The following FAM184A variants were observed in gnomAD, a reference collection of about 807,000 sequenced individuals.
FAM184A encodes protein FAM184A.
Under a neutral mutation model 143.8 loss-of-function variants are expected in FAM184A, and 99 were observed. The ratio of observed to expected loss-of-function variants is 0.69; its 90% CI spans 0.58 to 0.81. FAM184A has a LOEUF of 0.81. Among genes scored for constraint, FAM184A ranks in the 40% least tolerant of loss-of-function variants. FAM184A has a pLI of 0.00. For missense variants in FAM184A, 1,217 were observed against 1,310.5 expected (o/e 0.93, Z 1.10); for synonymous variants, 427 against 446.4 (o/e 0.96, Z 0.55).
upstream of FAM184A, among the ~76,000 whole-genome samples, chr6:119,079,747 A>G (rs532041510): frequency 1.6e-4 from 24 of 152,354 alleles, no homozygotes; most frequent in South Asian, 5.0e-3. Context: ...TTAACAAACT[A>G]GAGAGCCGAA....
chr6:119,146,705 G>T (rs913712303), intron 1 of FAM184A, among the ~76,000 whole-genome samples: 1 of 152,026 alleles, frequency 6.6e-6, no homozygotes, highest in Non-Finnish European at 1.5e-5. Context: ...GACAAATAAG[G>T]AATAATGTCA....
chr6:119,145,873 A>C (rs570451922), intron 1 of FAM184A, among the ~76,000 whole-genome samples: 1 of 152,336 alleles, frequency 6.6e-6, no homozygotes, highest in South Asian at 2.1e-4. Context: ...ATTAAGCAAA[A>C]ACATGATTTT....
chr6:118,999,835 T>C (rs936808507), intron 9 of FAM184A, among the ~76,000 whole-genome samples: 4 of 152,184 alleles, frequency 2.6e-5, no homozygotes, highest in African/African-American at 7.2e-5. Context: ...AGGTGCACAA[T>C]TAGCTATGAT....
At chr6:118,969,406 A>G (rs1048631681) in intron 14 of FAM184A, among the ~76,000 whole-genome samples, 1 of 152,240 alleles carries the variant, frequency 6.6e-6, no homozygotes, top group East Asian at 1.9e-4. Flanking sequence ...TAATCCATAT[A>G]AACACAAACA....
intron 1 of FAM184A, among the ~76,000 whole-genome samples, chr6:119,097,863 C>A (rs982166640): frequency 6.6e-6 from 1 of 152,174 alleles, no homozygotes; most frequent in Non-Finnish European, 1.5e-5. Context: ...CTTTCCTCAC[C>A]TTTCTGTCTT....
intron 1 of FAM184A, among the ~76,000 whole-genome samples, chr6:119,130,041 A>G (rs1345968880): frequency 7.4e-6 from 1 of 134,584 alleles, no homozygotes; most frequent in Non-Finnish European, 1.6e-5. Flanking sequence ...CAAGGTTTTA[A>G]ACATTTTTTT....
At position 118,962,096 on chromosome 6, in the gene FAM184A, A is replaced by G. The variant is rs953340034; in HGVS notation, c.3139-133T>C. ...TGTTAAATTAAAATGTTAATTAACC[A>G]GTGTTACCCAAACTGTGGTCTGGGA... is the stretch of plus-strand genomic sequence containing the variant. On this transcript the variant is annotated intron_variant, in intron 16 of 17. Transcript: ENST00000338891. 3 of 782,452 alleles carry G rather than the reference A, an allele frequency of 3.8e-6. No homozygotes were observed. The African/African-American group carries it at 5.2e-5, about 14-fold the overall frequency. The allele number at this position is 782,452 out of a possible 1,614,324, so 48.5% of individuals were successfully genotyped here. A position where few individuals can be genotyped will look rare whatever the true frequency, so the allele number is the denominator to read the frequency against.
intron 17 of FAM184A, among the ~76,000 whole-genome samples, 181 bp from the exon 18 acceptor site, chr6:118,960,365 G>A (rs1783281888): frequency 6.6e-6 from 1 of 152,170 alleles, no homozygotes; most frequent in East Asian, 1.9e-4. Context: ...GAGAGCATAA[G>A]AGTGCATCAG....
In FAM184A at chr6:119,102,801, AAAAAAAGAAAAG is replaced by A. The variant is rs1562151153; in HGVS notation, c.-202+46265_-202+46276del. Among the ~76,000 whole-genome samples the A allele has an allele frequency of 8.3e-4, 123 of 148,946 alleles. 1 individual carries two copies. The highest frequency in any genetic ancestry group is 3.5e-3 in the Middle Eastern group (1 of 288). On this transcript the variant is annotated intron_variant, in intron 1 of 16. Transcript: ENST00000352896. ...CTCCATCTCAAAAAAAAAAAAAAAAAAAAAAAGAAAAGAAAAAAGAAAAGAAAATATCACTAA... is the reference window on the plus strand; with the variant it reads ...CTCCATCTCAAAAAAAAAAAAAAAAAAAAAAAGAAAAGAAAATATCACTAA...
At chr6:119,119,995 A>C (rs1190046356) in intron 1 of FAM184A, among the ~76,000 whole-genome samples, 1 of 152,188 alleles carries the variant, frequency 6.6e-6, no homozygotes, top group African/African-American at 2.4e-5. Context: ...AATGATAATA[A>C]TAATAGTCTT....
rs1309577452 is a variant in FAM184A, at chr6:119,133,328, A to C, written c.-202+15750T>G. Among the ~76,000 whole-genome samples the C allele has an allele frequency of 3.9e-5, 6 of 152,260 alleles. No individual in the cohort carries two copies. The East Asian group carries it at 1.2e-3, about 29-fold the overall frequency. Reference sequence around the variant, plus strand: ...AAATTATATTAATTGAGGATTGATAAAAGTAATTGTCACAGCTTAAGATCC... The same window carrying C: ...AAATTATATTAATTGAGGATTGATACAAGTAATTGTCACAGCTTAAGATCC... On this transcript the variant is annotated intron_variant, in intron 1 of 16. Coordinates refer to the FAM184A transcript ENST00000352896.
intron 1 of FAM184A, among the ~76,000 whole-genome samples, chr6:119,043,459 G>T (rs2114731709): frequency 6.6e-6 from 1 of 152,278 alleles, no homozygotes; most frequent in Non-Finnish European, 1.5e-5. Context: ...ACCTCAGTGG[G>T]TAGTCACAAG....
At chr6:119,035,904 T>C (rs750070026) in intron 1 of FAM184A, among the ~76,000 whole-genome samples, 6 of 152,216 alleles carry the variant, frequency 3.9e-5, no homozygotes, top group East Asian at 1.9e-4. Flanking sequence ...AACCAAGCTA[T>C]AGCCCGACCA....
intron 6 of FAM184A, among the ~76,000 whole-genome samples, chr6:119,008,014 C>G (rs1453759017): frequency 6.6e-6 from 1 of 151,438 alleles, no homozygotes; most frequent in Non-Finnish European, 1.5e-5. Flanking sequence ...AATTACAAAT[C>G]TAGAGATAGA....
chr6:118,970,008 A>ATATATTTTTTTTTTT, intron 14 of FAM184A, among the ~76,000 whole-genome samples: 5 of 19,054 alleles, frequency 2.6e-4, no homozygotes, highest in Non-Finnish European at 4.5e-4. Flanking sequence ...ATATATATAT[A>ATATATTTTTTTTTTT]TTTTTTTTTT....
chr6:119,003,492 A>G lies in FAM184A; in HGVS notation c.1937+9T>C, dbSNP rs765629048. ...CTTTATTGATAAGATTACAGAATAA[A>G]AAATGTACCTAAGATTTTCAGTCCA... On this transcript the variant is annotated intron_variant, in intron 8 of 17. Transcript: ENST00000338891. The G allele has an allele frequency of 5.6e-6, 9 of 1,609,824 alleles. No homozygotes were observed. The highest frequency in any genetic ancestry group is 1.7e-4 in the Middle Eastern group (1 of 6,028).
intron 1 of FAM184A, among the ~76,000 whole-genome samples, chr6:119,077,620 CAGGATA>C (rs1787920206): frequency 6.6e-6 from 1 of 152,188 alleles, no homozygotes; most frequent in Non-Finnish European, 1.5e-5. Context: ...GACATTTTGT[CAGGATA>C]AGGAATGACT....
At position 119,148,110 on chromosome 6, in the gene FAM184A, A is replaced by G. The variant is rs918080794; in HGVS notation, c.-202+968T>C. ...ACCCACCCTAGTTCCCTGCCTAGCAATGAAACTCCATACCTCAACTTCTCC... is the reference window on the plus strand; with the variant it reads ...ACCCACCCTAGTTCCCTGCCTAGCAGTGAAACTCCATACCTCAACTTCTCC... On this transcript the variant is annotated intron_variant, in intron 1 of 16. Coordinates refer to the FAM184A transcript ENST00000352896. 6.6e-5 allele frequency among the ~76,000 whole-genome samples: 10 copies of G among 152,162 alleles called. No individual in the cohort carries two copies. In the South Asian group the frequency reaches 8.3e-4, roughly 13 times the overall value.
At chr6:119,028,854 A>T (rs1221925224) in intron 1 of FAM184A, among the ~76,000 whole-genome samples, 1 of 152,148 alleles carries the variant, frequency 6.6e-6, no homozygotes, top group Non-Finnish European at 1.5e-5. Context: ...AACCTGTGGA[A>T]TCTGATGCTA....
Sources: gnomAD v4.1 joint callset for allele counts (sites outside exome capture counted in the v4.1 genomes callset) on GRCh38, gnomAD v4.1.1 for gene constraint, MANE v1.5 for transcripts, NCBI Gene and HGNC (gene_info 2026-07-23, HGNC 2026-07-21) for gene names.